The following REPS2 variants were observed in gnomAD, a reference collection of about 807,000 sequenced individuals.
REPS2 encodes ralBP1-associated Eps domain-containing protein 2.
REPS2 carries 23 observed loss-of-function variants against 53.6 expected under a neutral mutation model. The observed-to-expected ratio is 0.43, with a 90% CI of 0.31 to 0.61. The LOEUF (loss-of-function observed/expected upper bound fraction) is 0.61. Ranked by LOEUF, REPS2 falls within the 20% of genes least tolerant of loss-of-function variation. The probability of loss-of-function intolerance (pLI) is 0.11; values close to 1 mark genes in which losing one functional copy is unlikely to be tolerated. For missense variants in REPS2, 446 were observed against 534.9 expected (o/e 0.83, Z 1.64); for synonymous variants, 238 against 218.6 (o/e 1.09, Z -0.78).
intron 5 of REPS2, among the ~76,000 whole-genome samples, chrX:17,041,595 T>G (rs1426499468): frequency 8.9e-6 from 1 of 112,076 alleles, no homozygotes; most frequent in Non-Finnish European, 1.9e-5. Flanking sequence ...TTCCAAAATA[T>G]TTTTGGCGGA....
chrX:16,953,100 A>AACACACACAC (rs68090119), intron 1 of REPS2, among the ~76,000 whole-genome samples: 1 of 97,235 alleles, frequency 1.0e-5, no homozygotes, highest in African/African-American at 3.8e-5. Context: ...CCAAAAAACA[A>AACACACACAC]ACACACACAC....
intron 1 of REPS2, among the ~76,000 whole-genome samples, chrX:16,996,128 T>C (rs896911871): frequency 9.0e-6 from 1 of 110,815 alleles, no homozygotes; most frequent in African/African-American, 3.3e-5. Context: ...TAGCTGGGGA[T>C]GAGGTGCAGG....
chrX:17,074,506 A>G (rs907978424), intron 12 of REPS2: 2 of 163,509 alleles, frequency 1.2e-5, no homozygotes, highest in Non-Finnish European at 1.2e-5. Flanking sequence ...AAAATTTGCT[A>G]TCATGACAAG....
At chrX:17,176,743 C>G in the REPS2 span, among the ~76,000 whole-genome samples, 1 of 112,587 alleles carries the variant, frequency 8.9e-6, no homozygotes, top group Non-Finnish European at 1.9e-5. Flanking sequence ...CTGAAGGTCT[C>G]TATGGGGCCA....
chrX:16,947,218 C>T, intron 1 of REPS2, 84 bp downstream of exon 1: 3 of 928,711 alleles, frequency 3.2e-6, no homozygotes, highest in Non-Finnish European at 2.7e-6. Context: ...GACAGGGCTG[C>T]CCCCAGGGAC....
chrX:17,091,101 G>T (rs992345169), intron 13 of REPS2, among the ~76,000 whole-genome samples: 7 of 111,995 alleles, frequency 6.3e-5, no homozygotes, highest in African/African-American at 2.3e-4. Context: ...TTTTATGCTA[G>T]CACTATACTG....
At chrX:17,032,993 T>C (rs2061725990) in intron 5 of REPS2, among the ~76,000 whole-genome samples, 1 of 112,590 alleles carries the variant, frequency 8.9e-6, no homozygotes, top group African/African-American at 3.2e-5. Context: ...GCTTCATCTG[T>C]TATCATATGT....
At chrX:17,012,632 G>A (rs904624292) in intron 2 of REPS2, among the ~76,000 whole-genome samples, 3 of 110,544 alleles carry the variant, frequency 2.7e-5, no homozygotes, top group Non-Finnish European at 3.8e-5. Context: ...ATGGTGCAAT[G>A]ACATGATTCA....
At chrX:17,003,643 G>A (rs1037317447) in intron 1 of REPS2, among the ~76,000 whole-genome samples, 1 of 111,545 alleles carries the variant, frequency 9.0e-6, no homozygotes, top group Non-Finnish European at 1.9e-5. Context: ...AGTAGAAAAT[G>A]GGGTGCTCTT....
At chrX:17,096,555 G>A (rs1167282171) in intron 13 of REPS2, among the ~76,000 whole-genome samples, 2 of 98,854 alleles carry the variant, frequency 2.0e-5, no homozygotes. Flanking sequence ...AGCTACTTGG[G>A]AGGCTGAGGC....
intron 3 of REPS2, among the ~76,000 whole-genome samples, chrX:17,024,603 C>T (rs1423633674): frequency 9.2e-6 from 1 of 108,347 alleles, no homozygotes; most frequent in Non-Finnish European, 1.9e-5. Flanking sequence ...TGGTAAGCTC[C>T]AAGAATATTA....
In REPS2 at chrX:17,150,907, CTTAA is replaced by C. The variant is rs1299162800; in HGVS notation, c.*3430_*3433del. On this transcript the variant is annotated 3_prime_UTR_variant, in exon 18 of 18. Coordinates refer to ENST00000357277, the MANE Select transcript of REPS2 (RefSeq NM_004726.3). ...TGTTTATCATGTTGAATTTCATTGA[CTTAA>C]TTAGTCTTTAAATTTGAAAACATGT... is the stretch of plus-strand genomic sequence containing the variant. 4.5e-4 allele frequency: 50 copies of C among 111,961 alleles called. No homozygotes were observed. Among genetic ancestry groups the C allele is most frequent in the African/African-American group, 1.5e-3 (47 of 30,760 alleles). 9.2% of individuals were successfully genotyped at this position (111,961 alleles called of 1,213,427 possible). A position where few individuals can be genotyped will look rare whatever the true frequency, so the allele number is the denominator to read the frequency against.
chrX:17,148,926 G>T lies in REPS2; in HGVS notation c.*1445G>T. ...TTGCAATATGTGGGATTCAGCCTTTGATTTCAATAGAGCTGAGAGCTTTTA... is the reference window on the plus strand; with the variant it reads ...TTGCAATATGTGGGATTCAGCCTTTTATTTCAATAGAGCTGAGAGCTTTTA... On this transcript the variant is annotated 3_prime_UTR_variant, in exon 18 of 18. Coordinates refer to ENST00000357277, the MANE Select transcript of REPS2 (RefSeq NM_004726.3). 1 of 374,796 alleles carries T rather than the reference G, an allele frequency of 2.7e-6. No individual in the cohort carries two copies. The highest frequency in any genetic ancestry group is 7.5e-5 in the East Asian group (1 of 13,387). 30.9% of individuals were successfully genotyped at this position (374,796 alleles called of 1,213,427 possible). A position where few individuals can be genotyped will look rare whatever the true frequency, so the allele number is the denominator to read the frequency against.
chrX:17,140,911 C>T (rs772705991), intron 17 of REPS2, among the ~76,000 whole-genome samples: 127 of 109,842 alleles, frequency 1.2e-3, no homozygotes, highest in Middle Eastern at 4.8e-3. Context: ...GCTGGGACTA[C>T]AGGCGCCTGC....
chrX:17,058,452 C>CAAAA (rs66501468), intron 8 of REPS2, among the ~76,000 whole-genome samples: 2 of 71,005 alleles, frequency 2.8e-5, no homozygotes, highest in African/African-American at 1.1e-4. Flanking sequence ...GACTCCTTCT[C>CAAAA]AAAAAAAAAA....
chrX:17,094,044 G>A (rs944982314), intron 13 of REPS2, among the ~76,000 whole-genome samples: 2 of 111,624 alleles, frequency 1.8e-5, no homozygotes, highest in African/African-American at 6.5e-5. Context: ...TTTTTCCCAT[G>A]TTGGATTTCT....
intron 1 of REPS2, among the ~76,000 whole-genome samples, chrX:16,951,500 T>TACACACACACACAC (rs1157042780): frequency 3.5e-4 from 21 of 60,121 alleles, no homozygotes; most frequent in Non-Finnish European, 4.0e-4. Flanking sequence ...AAACCCCATC[T>TACACACACACACAC]ACACACACAC....
intron 1 of REPS2, among the ~76,000 whole-genome samples, chrX:16,971,842 G>C (rs2060899267): frequency 8.9e-6 from 1 of 112,194 alleles, no homozygotes; most frequent in African/African-American, 3.2e-5. Flanking sequence ...GTAAATGTAA[G>C]GGCTTATGTC....
rs1360260616 is a variant in REPS2 at position 17,108,230 on chromosome X, A to G, written c.1578+4451A>G. 5.6e-5 allele frequency among the ~76,000 whole-genome samples: 6 copies of G among 107,259 alleles called. 1 individual carries two copies. The East Asian group carries it at 1.2e-3, about 21-fold the overall frequency. 93.1% of individuals were successfully genotyped at this position (107,259 alleles called of 115,157 possible). ...CTCTTGTTGCCCAGGCTGGAGTGCA[A>G]TGGCGCGATCTTGGCTCACCGCAAC... On this transcript the variant is annotated intron_variant, in intron 14 of 17. Coordinates refer to ENST00000357277, the MANE Select transcript of REPS2 (RefSeq NM_004726.3).
Sources: allele counts gnomAD v4.1 joint callset (sites outside exome capture counted in the v4.1 genomes callset), GRCh38; gene constraint gnomAD v4.1.1; transcripts MANE v1.5; gene names NCBI Gene and HGNC (gene_info 2026-07-23, HGNC 2026-07-21).